Variants in GALNT2 observed in about 807,000 individuals in gnomAD.
GALNT2 encodes the protein UDP-GalNAc:polypeptide N-acetylgalactosaminyltransferase 2.
GALNT2 carries 31 observed loss-of-function variants against 81.4 expected under a neutral mutation model. The ratio of observed to expected loss-of-function variants is 0.38; its 90% CI spans 0.29 to 0.51. The LOEUF (loss-of-function observed/expected upper bound fraction) is 0.51, where lower values mean the gene tolerates loss of function less well. GALNT2 is among the 20% of genes least tolerant of loss of function. GALNT2 has a pLI of 0.87. For synonymous variants in GALNT2, 303 were observed against 287.4 expected, an observed-to-expected ratio of 1.05 and a Z score of -0.55; for missense variants, 629 against 765.7, an observed-to-expected ratio of 0.82 and a Z score of 2.11.
intron 1 of GALNT2, among the ~76,000 whole-genome samples, chr1:230,135,536 C>T (rs545626296): frequency 1.1e-4 from 17 of 152,332 alleles, no homozygotes; most frequent in East Asian, 7.7e-4. Context: ...GGAAATCACA[C>T]GGCGGGGAGG....
At chr1:230,272,139 CAG>C (rs1423268799) in intron 14 of GALNT2, among the ~76,000 whole-genome samples, 1 of 152,168 alleles carries the variant, frequency 6.6e-6, no homozygotes, top group African/African-American at 2.4e-5. Flanking sequence ...GTGATTGTGC[CAG>C]AGACCAAATA....
chr1:230,212,142 C>T (rs1321401876), intron 3 of GALNT2, among the ~76,000 whole-genome samples: 1 of 152,120 alleles, frequency 6.6e-6, no homozygotes, highest in Admixed American at 6.5e-5. Flanking sequence ...GAAAGGTGAG[C>T]CACTTGCCTG....
intron 3 of GALNT2, among the ~76,000 whole-genome samples, chr1:230,232,094 T>TAATA (rs768276182): frequency 6.6e-6 from 1 of 152,218 alleles, no homozygotes; most frequent in Non-Finnish European, 1.5e-5. Context: ...TATGGCTCTT[T>TAATA]AAATACAAAA....
intron 1 of GALNT2, among the ~76,000 whole-genome samples, chr1:230,060,178 A>T (rs1338133729): frequency 6.6e-6 from 1 of 152,218 alleles, no homozygotes; most frequent in Non-Finnish European, 1.5e-5. Context: ...GAAGAATACA[A>T]ACCACTTACT....
At chr1:230,246,754 A>G (rs1459881942) in intron 8 of GALNT2, among the ~76,000 whole-genome samples, 1 of 152,086 alleles carries the variant, frequency 6.6e-6, no homozygotes, top group East Asian at 1.9e-4. Context: ...TGGAATGACC[A>G]CACCAGTTTC....
intron 1 of GALNT2, among the ~76,000 whole-genome samples, chr1:230,128,276 T>TGTGTGTGTGTGTGG (rs1665241896): frequency 6.6e-6 from 1 of 151,626 alleles, no homozygotes; most frequent in East Asian, 1.9e-4. Flanking sequence ...TGTGTGTGTG[T>TGTGTGTGTGTGTGG]GGTTATGAAG....
At chr1:230,180,945 A>G (rs1025965311) in intron 2 of GALNT2, among the ~76,000 whole-genome samples, 3 of 152,194 alleles carry the variant, frequency 2.0e-5, no homozygotes, top group Non-Finnish European at 2.9e-5. Flanking sequence ...TGACTTTTGT[A>G]TATTGACCTC....
At chr1:230,197,619 C>T (rs1663740792) in intron 2 of GALNT2, among the ~76,000 whole-genome samples, 1 of 152,134 alleles carries the variant, frequency 6.6e-6, no homozygotes, top group Non-Finnish European at 1.5e-5. Flanking sequence ...TAGTGTAGGA[C>T]TTTTGCTGTG....
intron 3 of GALNT2, among the ~76,000 whole-genome samples, chr1:230,223,732 A>C (rs553858400): frequency 6.6e-6 from 1 of 152,296 alleles, no homozygotes; most frequent in African/African-American, 2.4e-5. Flanking sequence ...CGGCCTCCCA[A>C]AGTGCTGGGA....
rs1047720434 is a variant in GALNT2 at position 230,279,917 on chromosome 1, C to T, written c.*459C>T. On this transcript the variant is annotated 3_prime_UTR_variant, in exon 16 of 16. Coordinates refer to ENST00000366672, the MANE Select transcript of GALNT2 (RefSeq NM_004481.5). The surrounding 1 kb of genome is among the most constrained non-coding windows in gnomAD (Gnocchi z 4.6). ...AAATCACGTATGGTTTCCACAAAGC[C>T]GAGTCGTGTCACGTGGCAGGTTTAC... 12 of 456,776 alleles carry T rather than the reference C, an allele frequency of 2.6e-5. No homozygotes were observed. Among genetic ancestry groups the T allele is most frequent in the Admixed American group, 2.3e-4 (10 of 42,574 alleles). 28.3% of individuals were successfully genotyped at this position (456,776 alleles called of 1,614,324 possible). A position where few individuals can be genotyped will look rare whatever the true frequency, so the allele number is the denominator to read the frequency against.
At chr1:230,108,872 G>A (rs145305186) in intron 1 of GALNT2, among the ~76,000 whole-genome samples, 1 of 152,298 alleles carries the variant, frequency 6.6e-6, no homozygotes, top group East Asian at 1.9e-4. Flanking sequence ...CAGGATAAGA[G>A]CAGAATTCCA....
chr1:230,170,871 C>G (rs1298454881), intron 1 of GALNT2, among the ~76,000 whole-genome samples: 9 of 152,144 alleles, frequency 5.9e-5, no homozygotes, highest in African/African-American at 2.2e-4. Flanking sequence ...GGATCCACCC[C>G]CATGACGCAA....
intron 3 of GALNT2, among the ~76,000 whole-genome samples, chr1:230,222,747 TC>T (rs1247872188): frequency 3.9e-5 from 6 of 152,180 alleles, no homozygotes; most frequent in African/African-American, 1.4e-4. Flanking sequence ...AGATTTTCGT[TC>T]CAGGTGCTAT....
At chr1:230,072,935 T>C (rs192589319) in intron 1 of GALNT2, among the ~76,000 whole-genome samples, 1 of 152,364 alleles carries the variant, frequency 6.6e-6, no homozygotes, top group Non-Finnish European at 1.5e-5. Context: ...ACTTCCATGA[T>C]GGGAACAATC....
At chr1:230,191,126 G>C (rs1439794564) in intron 2 of GALNT2, among the ~76,000 whole-genome samples, 1 of 152,204 alleles carries the variant, frequency 6.6e-6, no homozygotes. Flanking sequence ...AAATGTAATG[G>C]AGCTGTTTAA....
At chr1:230,199,534 G>C (rs1026812817) in intron 2 of GALNT2, among the ~76,000 whole-genome samples, 8 of 152,350 alleles carry the variant, frequency 5.3e-5, no homozygotes, top group African/African-American at 1.7e-4. Context: ...GTGAGGGTAA[G>C]TTTGGTATTG....
chr1:230,149,605 C>G (rs966869728), intron 1 of GALNT2, among the ~76,000 whole-genome samples: 1 of 152,226 alleles, frequency 6.6e-6, no homozygotes, highest in African/African-American at 2.4e-5. Flanking sequence ...TTTTAAAAAC[C>G]GCCTGATTGG....
intron 1 of GALNT2, among the ~76,000 whole-genome samples, chr1:230,099,669 A>G (rs1571960632): frequency 6.6e-6 from 1 of 152,182 alleles, no homozygotes; most frequent in African/African-American, 2.4e-5. Context: ...CCATTTAGCC[A>G]TATTTTGGCT....
chr1:230,237,351 G>C (rs1665063409), intron 6 of GALNT2, among the ~76,000 whole-genome samples: 1 of 152,200 alleles, frequency 6.6e-6, no homozygotes, highest in African/African-American at 2.4e-5. Context: ...TGTCAGTGCT[G>C]TTAGAGACCC....
Sources: gnomAD v4.1 joint callset for allele counts (sites outside exome capture counted in the v4.1 genomes callset) on GRCh38, gnomAD v4.1.1 for gene constraint, Gnocchi (gnomAD v3.1) non-coding constraint, MANE v1.5 for transcripts, NCBI Gene and HGNC (gene_info 2026-07-23, HGNC 2026-07-21) for gene names.